SLC39A9: variants seen among roughly 807,000 people sequenced by gnomAD.
SLC39A9 encodes the protein solute carrier family 39 member 9.
In SLC39A9, 14 loss-of-function variants were observed where a neutral mutation model predicts 28.4. That is an observed-to-expected ratio of 0.49 (90% CI 0.33 to 0.77). The LOEUF is 0.77. Among genes scored for constraint, SLC39A9 ranks in the 30% least tolerant of loss-of-function variants. The pLI is 0.02. For missense variants in SLC39A9, 283 were observed against 381.1 expected (o/e 0.74, Z 2.14); for synonymous variants, 119 against 149.6 (o/e 0.80, Z 1.49).
chr14:69,445,355 C>T (rs1039666109), intron 3 of SLC39A9, among the ~76,000 whole-genome samples: 19 of 152,090 alleles, frequency 1.2e-4, no homozygotes, highest in African/African-American at 4.3e-4. Flanking sequence ...GGATGAAAAC[C>T]TTTATGATGA....
intron 3 of SLC39A9, among the ~76,000 whole-genome samples, chr14:69,447,196 AG>A (rs1210729397): frequency 6.6e-6 from 1 of 152,210 alleles, no homozygotes; most frequent in Non-Finnish European, 1.5e-5. Context: ...TTGATCGGAT[AG>A]TCAAAATTAA....
chr14:69,442,928 C>G (rs559004144), intron 3 of SLC39A9, among the ~76,000 whole-genome samples: 6 of 152,176 alleles, frequency 3.9e-5, no homozygotes, highest in Admixed American at 1.3e-4. Context: ...TCTTGATTTA[C>G]AAAGGTATTT....
At chr14:69,414,961 G>A (rs34450502) in intron 1 of SLC39A9, among the ~76,000 whole-genome samples, 79,746 of 152,062 alleles carry the variant, frequency 0.52, 21,869 homozygotes, top group African/African-American at 0.69. Context: ...TATGAGATTT[G>A]TTCATTTATG....
intron 3 of SLC39A9, among the ~76,000 whole-genome samples, chr14:69,452,958 T>G (rs1346374348): frequency 6.6e-6 from 1 of 152,142 alleles, no homozygotes; most frequent in African/African-American, 2.4e-5. Context: ...ATTTTTCTGT[T>G]AAGGTAGGGC....
At position 69,460,329 on chromosome 14, in the gene SLC39A9, A is replaced by C. The variant is rs1267021020; in HGVS notation, c.*1736A>C. Reference sequence around the variant, plus strand: ...CTCTGCTGGCCACAGTGAGGAAAGTAGCACAAATAGGATACAGTTGTATGT... The same window carrying C: ...CTCTGCTGGCCACAGTGAGGAAAGTCGCACAAATAGGATACAGTTGTATGT... On this transcript the variant is annotated 3_prime_UTR_variant, in exon 7 of 7. Coordinates refer to ENST00000336643, the MANE Select transcript of SLC39A9 (RefSeq NM_018375.5). The C allele has an allele frequency of 1.0e-6, 1 of 985,540 alleles. No homozygotes were observed. 61.0% of individuals were successfully genotyped at this position (985,540 alleles called of 1,614,324 possible). A position where few individuals can be genotyped will look rare whatever the true frequency, so the allele number is the denominator to read the frequency against.
chr14:69,415,535 AT>A (rs1405847274), intron 1 of SLC39A9, among the ~76,000 whole-genome samples: 1 of 152,170 alleles, frequency 6.6e-6, no homozygotes, highest in African/African-American at 2.4e-5. Flanking sequence ...TGTCAGCGTC[AT>A]GGAGTCTGTT....
chr14:69,453,234 A>G lies in SLC39A9; in HGVS notation c.404-7A>G. ...GCTTAACGCTGTCTTTCTCATTTTC[A>G]CTTTAGATCCAGAAGCAGCAAGGTC... On this transcript the variant is annotated splice_region_variant and splice_polypyrimidine_tract_variant and intron_variant, in intron 3 of 6. Coordinates refer to ENST00000336643, the MANE Select transcript of SLC39A9 (RefSeq NM_018375.5). 6.2e-7 allele frequency: 1 copy of G among 1,612,822 alleles called. No homozygotes were observed. Among genetic ancestry groups the G allele is most frequent in the Non-Finnish European group, 8.5e-7 (1 of 1,178,972 alleles).
At chr14:69,409,444 T>C (rs978671438) in intron 1 of SLC39A9, among the ~76,000 whole-genome samples, 1 of 152,318 alleles carries the variant, frequency 6.6e-6, no homozygotes, top group East Asian at 1.9e-4. Context: ...GCCCAAGCGA[T>C]CCTTCTACCT....
In SLC39A9 at chr14:69,449,767, C is replaced by T. The variant is rs546680564; in HGVS notation, c.404-3474C>T. Reference sequence around the variant, plus strand: ...TGAGTTCAAGAACAGAGAGTAGCTGCAGAAAGTAATGACCTTTTCTGTGTT... The same window carrying T: ...TGAGTTCAAGAACAGAGAGTAGCTGTAGAAAGTAATGACCTTTTCTGTGTT... On this transcript the variant is annotated intron_variant, in intron 3 of 6. Transcript: ENST00000336643. 2.0e-5 allele frequency among the ~76,000 whole-genome samples: 3 copies of T among 152,140 alleles called. No individual in the cohort carries two copies. In the South Asian group the frequency reaches 6.2e-4, roughly 32 times the overall value.
intron 1 of SLC39A9, among the ~76,000 whole-genome samples, chr14:69,406,411 A>T (rs986434351): frequency 6.6e-6 from 1 of 152,228 alleles, no homozygotes; most frequent in Admixed American, 6.5e-5. Flanking sequence ...TCAAGAGAAG[A>T]TGACATGAAA....
intron 1 of SLC39A9, among the ~76,000 whole-genome samples, chr14:69,411,330 A>G (rs977672330): frequency 6.6e-6 from 1 of 152,232 alleles, no homozygotes; most frequent in African/African-American, 2.4e-5. Flanking sequence ...GTGTCTGCCA[A>G]GAAATATTAA....
intron 1 of SLC39A9, among the ~76,000 whole-genome samples, chr14:69,417,295 T>G (rs1883629206): frequency 6.6e-6 from 1 of 152,216 alleles, no homozygotes; most frequent in Non-Finnish European, 1.5e-5. Context: ...ATGTGTGGTG[T>G]TATTTCTGAG....
chr14:69,438,210 G>A (rs551191743), intron 2 of SLC39A9, among the ~76,000 whole-genome samples: 3 of 150,776 alleles, frequency 2.0e-5, no homozygotes, highest in Non-Finnish European at 3.0e-5. Flanking sequence ...TAGCAGAGAC[G>A]GGGTTTCACC....
chr14:69,429,625 G>T (rs1191347120), intron 2 of SLC39A9, among the ~76,000 whole-genome samples: 1 of 152,168 alleles, frequency 6.6e-6, no homozygotes, highest in African/African-American at 2.4e-5. Flanking sequence ...GACTGAAGTG[G>T]GGGGATTGCT....
In SLC39A9 at chr14:69,462,011, T is replaced by C. The variant is rs759432880; in HGVS notation, c.*3418T>C. The C allele has an allele frequency of 1.6e-5, 5 of 312,990 alleles. No homozygotes were observed. The highest frequency in any genetic ancestry group is 1.4e-4 in the Admixed American group (3 of 21,868). 19.4% of individuals were successfully genotyped at this position (312,990 alleles called of 1,614,324 possible). ...TTGGAGATGCTGTGAAATTAAAACC[T>C]CTTTGTACCTGAGACATCTAGATTC... On this transcript the variant is annotated 3_prime_UTR_variant, in exon 7 of 7. Coordinates refer to ENST00000336643, the MANE Select transcript of SLC39A9 (RefSeq NM_018375.5).
Position 69,459,091 on chromosome 14 carries a change from C to T in SLC39A9, c.*498C>T. On this transcript the variant is annotated 3_prime_UTR_variant, in exon 7 of 7. Transcript: ENST00000336643. ...TGCGTTGATGGAAGGTCATAGCACC[C>T]ACTCACTTAGATGCTAAAGGTGATT... The T allele has an allele frequency of 2.0e-5, 20 of 986,992 alleles. No individual in the cohort carries two copies. The highest frequency in any genetic ancestry group is 2.4e-5 in the Non-Finnish European group (20 of 830,658). 61.1% of individuals were successfully genotyped at this position (986,992 alleles called of 1,614,324 possible). A position where few individuals can be genotyped will look rare whatever the true frequency, so the allele number is the denominator to read the frequency against.
intron 3 of SLC39A9, among the ~76,000 whole-genome samples, chr14:69,447,752 AAAAT>A (rs1885404122): frequency 6.6e-6 from 1 of 152,018 alleles, no homozygotes; most frequent in African/African-American, 2.4e-5. Context: ...TTTCTACAAA[AAAAT>A]ACAAAAATTA....
intron 1 of SLC39A9, among the ~76,000 whole-genome samples, chr14:69,416,002 TG>T (rs1324514735): frequency 6.6e-6 from 1 of 152,120 alleles, no homozygotes; most frequent in African/African-American, 2.4e-5. Context: ...ACATGTGCCA[TG>T]TTGGTTTGCT....
chr14:69,455,701 A>G (rs1041719352), intron 5 of SLC39A9, 31 bp from the exon 6 acceptor site: 2 of 1,613,502 alleles, frequency 1.2e-6, no homozygotes, highest in Non-Finnish European at 1.7e-6. Flanking sequence ...TACTTCTAGA[A>G]TGATAATAAG....
Sources: allele counts gnomAD v4.1 joint callset (sites outside exome capture counted in the v4.1 genomes callset), GRCh38; gene constraint gnomAD v4.1.1; transcripts MANE v1.5; gene names NCBI Gene and HGNC (gene_info 2026-07-23, HGNC 2026-07-21).